The following FLI1 variants were observed in gnomAD, a reference collection of about 807,000 sequenced individuals.
The protein encoded by FLI1 is Friend leukemia integration 1 transcription factor.
In FLI1, 13 loss-of-function variants were observed where a neutral mutation model predicts 53.1. The observed-to-expected ratio is 0.24, with a 90% CI of 0.16 to 0.39. The LOEUF is 0.39. Among genes scored for constraint, FLI1 ranks in the 10% least tolerant of loss-of-function variants. FLI1 has a pLI of 1.00. For missense variants in FLI1, 424 were observed against 600.5 expected (o/e 0.71, Z 3.07); for synonymous variants, 244 against 236.7 (o/e 1.03, Z -0.28).
chr11:128,748,488 A>G (rs934860064), intron 1 of FLI1, among the ~76,000 whole-genome samples: 2 of 151,910 alleles, frequency 1.3e-5, no homozygotes, highest in African/African-American at 2.4e-5. Flanking sequence ...TACTAATTAG[A>G]TGGGCGTGGT....
chr11:128,757,972 C>T (rs555023852), intron 1 of FLI1, 143 bp from the exon 2 acceptor site: 1 of 687,294 alleles, frequency 1.5e-6, no homozygotes, highest in East Asian at 2.7e-5. Context: ...GCAAACCTGC[C>T]CCCTGGAGTG....
Position 128,812,799 on chromosome 11 carries a change from T to C in FLI1, c.*1811T>C, listed in dbSNP as rs925773091. The stretch of plus-strand genomic sequence containing the variant: ...CCACTCCAGCAAAGAATAAGCGCCC[T>C]GCTTCCTTCAGGTCTCAGACCAGGA... On this transcript the variant is annotated 3_prime_UTR_variant, in exon 9 of 9. Coordinates refer to ENST00000527786, the MANE Select transcript of FLI1 (RefSeq NM_002017.5). 1 of 212,472 alleles carries C rather than the reference T, an allele frequency of 4.7e-6. No homozygotes were observed. Among genetic ancestry groups the C allele is most frequent in the Non-Finnish European group, 9.5e-6 (1 of 104,754 alleles). The allele number at this position is 212,472 out of a possible 1,614,324, so 13.2% of individuals were successfully genotyped here.
chr11:128,719,136 A>T (rs1591750355), intron 1 of FLI1, among the ~76,000 whole-genome samples: 1 of 152,136 alleles, frequency 6.6e-6, no homozygotes, highest in Admixed American at 6.5e-5. Flanking sequence ...GCCTGCCTGG[A>T]TTGCAGTATG....
chr11:128,760,338 G>A (rs896919247), intron 2 of FLI1, among the ~76,000 whole-genome samples: 18 of 151,946 alleles, frequency 1.2e-4, no homozygotes, highest in Non-Finnish European at 2.1e-4. Context: ...CCAGCCCCAC[G>A]TGCCATCTGT....
At chr11:128,764,189 CAGG>C (rs1452362957) in intron 2 of FLI1, among the ~76,000 whole-genome samples, 7 of 152,222 alleles carry the variant, frequency 4.6e-5, no homozygotes, top group African/African-American at 1.7e-4. Flanking sequence ...AGGTAATCTT[CAGG>C]AGAAGTCTTT....
At chr11:128,690,803 G>A (rs1176365751), upstream of FLI1, among the ~76,000 whole-genome samples, 1 of 152,224 alleles carries the variant, frequency 6.6e-6, no homozygotes, top group Non-Finnish European at 1.5e-5. Context: ...ATACTGGGAA[G>A]AGCTTCCTTG....
chr11:128,748,245 T>C (rs1940490518), intron 1 of FLI1: 1 of 984,252 alleles, frequency 1.0e-6, no homozygotes, highest in Non-Finnish European at 1.2e-6. Context: ...AGGAATTCTT[T>C]CTCTGGGTCA....
chr11:128,782,116 C>G, intron 5 of FLI1, 93 bp downstream of exon 5: 12 of 1,193,166 alleles, frequency 1.0e-5, no homozygotes, highest in Non-Finnish European at 1.5e-5. Context: ...AACCAGCTTG[C>G]GTGTTCCACT....
At chr11:128,686,423 T>G (rs756490157), upstream of FLI1, 1 of 456,112 alleles carries the variant, frequency 2.2e-6, no homozygotes, top group Non-Finnish European at 4.4e-6. Flanking sequence ...GTTCTCACCG[T>G]CCCCTGGCCT....
chr11:128,803,438 G>A (rs1942690964), intron 5 of FLI1, among the ~76,000 whole-genome samples: 1 of 152,046 alleles, frequency 6.6e-6, no homozygotes, highest in Non-Finnish European at 1.5e-5. Flanking sequence ...GCTGTCTCTA[G>A]ACCTCACCTT....
At chr11:128,748,581 T>G (rs1234970303) in intron 1 of FLI1, among the ~76,000 whole-genome samples, 1 of 151,322 alleles carries the variant, frequency 6.6e-6, no homozygotes, top group Non-Finnish European at 1.5e-5. Context: ...TGCGGTAAGC[T>G]GAGATCGCGC....
intron 5 of FLI1, among the ~76,000 whole-genome samples, chr11:128,788,345 T>C (rs756483874): frequency 6.6e-6 from 1 of 151,998 alleles, no homozygotes; most frequent in Non-Finnish European, 1.5e-5. Context: ...GGCATGTGCC[T>C]GTAGTCCCAG....
At chr11:128,701,543 T>TCAGTTGCTTCTG (rs1393031000) in intron 1 of FLI1, among the ~76,000 whole-genome samples, 1 of 152,116 alleles carries the variant, frequency 6.6e-6, no homozygotes, top group Non-Finnish European at 1.5e-5. Context: ...CAGATCAACT[T>TCAGTTGCTTCTG]TACAGTACCT....
chr11:128,748,254 C>A, intron 1 of FLI1: 1 of 984,424 alleles, frequency 1.0e-6, no homozygotes, highest in Non-Finnish European at 1.2e-6. Context: ...TTCTCTGGGT[C>A]ATCCACTGCT....
At chr11:128,755,183 C>A (rs1303842587) in intron 1 of FLI1, among the ~76,000 whole-genome samples, 1 of 152,158 alleles carries the variant, frequency 6.6e-6, no homozygotes, top group Non-Finnish European at 1.5e-5. Context: ...ATGGGAGGAA[C>A]TTTTTGCCCA....
intron 1 of FLI1, among the ~76,000 whole-genome samples, chr11:128,705,949 T>C (rs764043560): frequency 1.3e-5 from 2 of 152,198 alleles, no homozygotes. Flanking sequence ...ATGAACCCTA[T>C]GTGCAATTAC....
chr11:128,690,887 C>G (rs1179243867), upstream of FLI1, among the ~76,000 whole-genome samples: 1 of 152,224 alleles, frequency 6.6e-6, no homozygotes, highest in Non-Finnish European at 1.5e-5. Flanking sequence ...GGCACTCATA[C>G]CAGCTCCTGT....
In FLI1 at chr11:128,810,020, G is replaced by C; in HGVS notation, c.830-439G>C. Among the ~76,000 whole-genome samples the C allele has an allele frequency of 6.6e-6, 1 of 151,872 alleles. No individual in the cohort carries two copies. Among genetic ancestry groups the C allele is most frequent in the Non-Finnish European group, 1.5e-5 (1 of 68,030 alleles). Reference sequence around the variant, plus strand: ...TTCTCCCAATGACTCCCACAGTCATGCCTTGCCCCTGACTTTTTATTGCTG... The same window carrying C: ...TTCTCCCAATGACTCCCACAGTCATCCCTTGCCCCTGACTTTTTATTGCTG... On this transcript the variant is annotated intron_variant, in intron 8 of 8. Transcript: ENST00000527786. This position sits in a 1 kb window ranked among gnomAD's most constrained non-coding sequence, Gnocchi z 6.6.
At chr11:128,764,386 C>G (rs1411403544) in intron 2 of FLI1, among the ~76,000 whole-genome samples, 3 of 152,242 alleles carry the variant, frequency 2.0e-5, no homozygotes, top group Non-Finnish European at 4.4e-5. Flanking sequence ...CCCTCGGCAG[C>G]TCTGCTGTGG....
Sources: allele counts gnomAD v4.1 joint callset (sites outside exome capture counted in the v4.1 genomes callset), GRCh38; gene constraint gnomAD v4.1.1; non-coding constraint Gnocchi (gnomAD v3.1); transcripts MANE v1.5; gene names NCBI Gene and HGNC (gene_info 2026-07-23, HGNC 2026-07-21).